Variants in GALNT16 observed in about 807,000 individuals in gnomAD.
The protein encoded by GALNT16 is UDP-GalNAc:polypeptide N-acetylgalactosaminyltransferase-like protein 1.
A neutral mutation model predicts 76.1 loss-of-function variants in GALNT16; 40 were observed. The observed-to-expected ratio is 0.53, with a 90% CI of 0.41 to 0.68. GALNT16 has a LOEUF of 0.68. Among genes scored for constraint, GALNT16 ranks in the 30% least tolerant of loss-of-function variants. The probability of loss-of-function intolerance (pLI) is 0.00; values close to 1 mark genes in which losing one functional copy is unlikely to be tolerated. For synonymous variants in GALNT16, 276 were observed against 285.2 expected, an observed-to-expected ratio of 0.97 and a Z score of 0.32; for missense variants, 621 against 731.9, an observed-to-expected ratio of 0.85 and a Z score of 1.75.
At chr14:69,385,282 G>A in the GALNT16 span, among the ~76,000 whole-genome samples, 2 of 152,084 alleles carry the variant, frequency 1.3e-5, no homozygotes, top group Non-Finnish European at 2.9e-5. Context: ...AGGTACTTTG[G>A]AGGACACTTA....
At chr14:69,327,311 T>C (rs962020796) in intron 5 of GALNT16, among the ~76,000 whole-genome samples, 1 of 152,082 alleles carries the variant, frequency 6.6e-6, no homozygotes, top group African/African-American at 2.4e-5. Flanking sequence ...TGAGCCAAGA[T>C]TGCGCCACTG....
Position 69,313,856 on chromosome 14 carries a change from A to T in GALNT16, c.178-6855A>T, listed in dbSNP as rs914917781. Among the ~76,000 whole-genome samples, 22 of 144,066 alleles carry T rather than the reference A, an allele frequency of 1.5e-4. 2 individuals carry two copies. The Admixed American group carries it at 1.6e-3, about 10-fold the overall frequency. The allele number at this position is 144,066 out of a possible 152,430, so 94.5% of individuals were successfully genotyped here. ...GGTGAAGTTCCTGGTCAATACAAAT[A>T]TAGGCCAAAAACCAGACTCGCGGTT... On this transcript the variant is annotated intron_variant, in intron 1 of 14. Transcript: ENST00000448469.
In GALNT16 at chr14:69,339,453, G is replaced by A. The variant is rs182591705; in HGVS notation, c.1095-74G>A. ...TCTCATCGTCCTGTATTCATGGATC[G>A]ATTAATCTTGATCCTGACCGCTAAC... On this transcript the variant is annotated intron_variant, in intron 10 of 14. Transcript: ENST00000448469. The A allele has an allele frequency of 9.8e-5, 86 of 878,222 alleles. No homozygotes were observed. The East Asian group carries it at 1.6e-3, about 16-fold the overall frequency. The allele number at this position is 878,222 out of a possible 1,614,324, so 54.4% of individuals were successfully genotyped here.
At chr14:69,264,815 C>CTTTTTTTTTTTTT (rs1436985515) in intron 1 of GALNT16, among the ~76,000 whole-genome samples, 1 of 44,960 alleles carries the variant, frequency 2.2e-5, no homozygotes. Flanking sequence ...TTTTCTTTTT[C>CTTTTTTTTTTTTT]TTTCTTTTTT....
At chr14:69,379,463 T>C in the GALNT16 span, among the ~76,000 whole-genome samples, 1 of 152,158 alleles carries the variant, frequency 6.6e-6, no homozygotes, top group Non-Finnish European at 1.5e-5. Flanking sequence ...AATGTGCAAG[T>C]AGAGGCAGGA....
intron 7 of GALNT16, 101 bp from the exon 8 acceptor site, chr14:69,332,984 G>A (rs1005919211): frequency 2.5e-5 from 21 of 827,128 alleles, no homozygotes; most frequent in Middle Eastern, 2.5e-4. Context: ...GAAGAGCCCA[G>A]GGCTCTGATC....
In GALNT16 at chr14:69,320,873, G is replaced by C; in HGVS notation, c.335+5G>C. 1 of 1,612,602 alleles carries C rather than the reference G, an allele frequency of 6.2e-7. No individual in the cohort carries two copies. The highest frequency in any genetic ancestry group is 1.1e-5 in the South Asian group (1 of 90,790). On this transcript the variant is annotated splice_donor_5th_base_variant and intron_variant, in intron 2 of 14. Transcript: ENST00000448469. ...CCGGGACACCCGCCATTACAGGTACGGCCTCCATCGTGTCAGTGGAGGAAG... is the reference window on the plus strand; with the variant it reads ...CCGGGACACCCGCCATTACAGGTACCGCCTCCATCGTGTCAGTGGAGGAAG...
At chr14:69,269,810 TTG>T (rs148660523) in intron 1 of GALNT16, among the ~76,000 whole-genome samples, 6 of 144,454 alleles carry the variant, frequency 4.2e-5, no homozygotes, top group Non-Finnish European at 7.5e-5. Context: ...ATTTGTGTGT[TTG>T]TGTGTGTGTG....
At chr14:69,379,832 G>C in the GALNT16 span, among the ~76,000 whole-genome samples, 3 of 152,132 alleles carry the variant, frequency 2.0e-5, no homozygotes, top group Non-Finnish European at 4.4e-5. Context: ...ACACTAAGAA[G>C]TTCATCTGTC....
At chr14:69,301,744 T>G (rs182299877) in intron 1 of GALNT16, among the ~76,000 whole-genome samples, 230 of 152,244 alleles carry the variant, frequency 1.5e-3, no homozygotes, top group Middle Eastern at 6.8e-3. Context: ...ATCCCAGCAC[T>G]TTGGGAGGCC....
chr14:69,311,198 G>T (rs185956457), intron 1 of GALNT16, among the ~76,000 whole-genome samples: 1 of 152,294 alleles, frequency 6.6e-6, no homozygotes, highest in Admixed American at 6.5e-5. Flanking sequence ...GTCTGATGAG[G>T]GCTGCTCTCT....
chr14:69,376,376 T>G, the GALNT16 span, among the ~76,000 whole-genome samples: 1 of 152,154 alleles, frequency 6.6e-6, no homozygotes, highest in Non-Finnish European at 1.5e-5. Flanking sequence ...CTCTGAGAAT[T>G]GTTCTTCTGA....
At chr14:69,292,036 T>G (rs1246582729) in intron 1 of GALNT16, among the ~76,000 whole-genome samples, 1 of 152,088 alleles carries the variant, frequency 6.6e-6, no homozygotes, top group Non-Finnish European at 1.5e-5. Flanking sequence ...AAGACAAGAA[T>G]CTCTGGCAGG....
downstream of GALNT16, among the ~76,000 whole-genome samples, chr14:69,361,840 C>G (rs1451428100): frequency 6.6e-6 from 1 of 152,084 alleles, no homozygotes; most frequent in Admixed American, 6.5e-5. Context: ...AACTCCGTCT[C>G]TACTAAAAAA....
chr14:69,328,894 G>A (rs2045319318), intron 6 of GALNT16, among the ~76,000 whole-genome samples: 1 of 152,196 alleles, frequency 6.6e-6, no homozygotes, highest in South Asian at 2.1e-4. Flanking sequence ...TTCGGGCTGG[G>A]AAGCCCTTGC....
intron 1 of GALNT16, among the ~76,000 whole-genome samples, chr14:69,317,610 C>T (rs1366360054): frequency 6.6e-6 from 1 of 152,232 alleles, no homozygotes; most frequent in African/African-American, 2.4e-5. Flanking sequence ...AAGTACACTG[C>T]CTATGAATAC....
chr14:69,324,744 A>T lies in GALNT16; in HGVS notation c.388A>T (p.Thr130Ser). The change falls in exon 3 of 15, where the codon ACC (threonine) becomes TCC (serine). Residue 130 changes from threonine (T) to serine (S), a missense_variant. Coordinates refer to ENST00000448469, the MANE Select transcript of GALNT16 (RefSeq NM_001168368.2). ...SDLPATSVII[T>S]FHNEARSTLL... ...CCTGCCAGCCACCAGCGTCATCATC[A>T]CCTTCCACAATGAGGCCCGTTCCAC... 1 of 1,612,954 alleles carries T rather than the reference A, an allele frequency of 6.2e-7. No individual in the cohort carries two copies. The highest frequency in any genetic ancestry group is 8.5e-7 in the Non-Finnish European group (1 of 1,179,384).
chr14:69,326,915 A>C (rs1013872147), intron 5 of GALNT16, among the ~76,000 whole-genome samples: 1 of 152,180 alleles, frequency 6.6e-6, no homozygotes, highest in African/African-American at 2.4e-5. Context: ...CCGCCTACTC[A>C]TACTCATACT....
intron 5 of GALNT16, 70 bp downstream of exon 5, chr14:69,326,097 T>C: frequency 8.4e-6 from 10 of 1,184,256 alleles, no homozygotes; most frequent in East Asian, 2.3e-5. Context: ...CCCCACTCTC[T>C]CTTGGTGCCG....
Sources: allele counts gnomAD v4.1 joint callset (sites outside exome capture counted in the v4.1 genomes callset), GRCh38; gene constraint gnomAD v4.1.1; transcripts MANE v1.5; gene names NCBI Gene and HGNC (gene_info 2026-07-23, HGNC 2026-07-21).